TAF3: variants seen among roughly 807,000 people sequenced by gnomAD.
TAF3 encodes the protein transcription initiation factor TFIID subunit 3.
Under a neutral mutation model 80.6 loss-of-function variants are expected in TAF3, and 7 were observed. The observed-to-expected ratio is 0.09, with a 90% confidence interval of 0.05 to 0.16. The LOEUF is 0.16. Ranked by LOEUF, TAF3 falls within the 10% of genes least tolerant of loss-of-function variation. TAF3 has a pLI of 1.00. For missense variants in TAF3, 921 were observed against 1,140.2 expected, an observed-to-expected ratio of 0.81 and a Z score of 2.77; for synonymous variants, 444 against 446.1, an observed-to-expected ratio of 1.00 and a Z score of 0.06.
intron 2 of TAF3, among the ~76,000 whole-genome samples, chr10:7,919,893 T>C (rs1008797106): frequency 1.3e-5 from 2 of 152,148 alleles, no homozygotes; most frequent in Non-Finnish European, 2.9e-5. Flanking sequence ...TTGTATACAT[T>C]GTTAGTCCCC....
At chr10:7,889,017 A>G (rs1837435667) in intron 2 of TAF3, among the ~76,000 whole-genome samples, 1 of 152,060 alleles carries the variant, frequency 6.6e-6, no homozygotes, top group Admixed American at 6.6e-5. Flanking sequence ...TTTTTTTTCT[A>G]CACGTGGGAT....
chr10:7,954,712 C>T (rs10905259), intron 2 of TAF3, among the ~76,000 whole-genome samples: 2 of 128,914 alleles, frequency 1.6e-5, no homozygotes, highest in Admixed American at 7.9e-5. Flanking sequence ...TAGTGAGATT[C>T]AGAGTGCACT....
chr10:7,881,151 A>G (rs1837357116), intron 2 of TAF3, among the ~76,000 whole-genome samples: 1 of 151,610 alleles, frequency 6.6e-6, no homozygotes. Context: ...CAGGAGGATC[A>G]CTTGAGTCCA....
In TAF3 at chr10:8,016,524, A is replaced by G. The variant is rs1832106611; in HGVS notation, c.*1773A>G. 1.3e-5 allele frequency: 2 copies of G among 152,146 alleles called. No homozygotes were observed. Among genetic ancestry groups the G allele is most frequent in the Admixed American group, 1.3e-4 (2 of 15,280 alleles). 9.4% of individuals were successfully genotyped at this position (152,146 alleles called of 1,614,324 possible). A position where few individuals can be genotyped will look rare whatever the true frequency, so the allele number is the denominator to read the frequency against. On this transcript the variant is annotated 3_prime_UTR_variant, in exon 7 of 7. Transcript: ENST00000344293. ...TGTTTGATTAATTTGAGATCATTCT[A>G]AATACTTTATACAATATTTTCACAT...
At chr10:7,873,620 C>CCG (rs1554779068) in intron 2 of TAF3, among the ~76,000 whole-genome samples, 5 of 127,286 alleles carry the variant, frequency 3.9e-5, no homozygotes, top group African/African-American at 3.0e-5. Context: ...CGAGTTCTCC[C>CCG]CCCCCCCCCG....
intron 2 of TAF3, among the ~76,000 whole-genome samples, chr10:7,916,113 A>G (rs906686751): frequency 1.3e-5 from 2 of 152,184 alleles, no homozygotes; most frequent in Non-Finnish European, 2.9e-5. Context: ...TCTTAACCCA[A>G]AGTGTTTGGT....
intron 4 of TAF3, among the ~76,000 whole-genome samples, chr10:7,997,630 A>G (rs1008681816): frequency 3.9e-5 from 6 of 152,210 alleles, no homozygotes; most frequent in African/African-American, 1.2e-4. Context: ...TGTTTATAGC[A>G]GTGAGGGCAC....
intron 4 of TAF3, among the ~76,000 whole-genome samples, chr10:7,998,271 A>ATATATATATATATATATATG: frequency 6.8e-6 from 1 of 146,840 alleles, no homozygotes; most frequent in South Asian, 2.1e-4. Flanking sequence ...ATATGTATAT[A>ATATATATATATATATATATG]TATATATATA....
intron 3 of TAF3, among the ~76,000 whole-genome samples, chr10:7,968,127 G>T (rs1360131034): frequency 6.6e-6 from 1 of 152,120 alleles, no homozygotes; most frequent in Non-Finnish European, 1.5e-5. Context: ...AGGCACCAAA[G>T]GTTAAACTAA....
intron 2 of TAF3, among the ~76,000 whole-genome samples, chr10:7,904,901 G>A (rs537214248): frequency 1.3e-5 from 2 of 152,066 alleles, no homozygotes; most frequent in South Asian, 2.1e-4. Flanking sequence ...CCAATTCCCC[G>A]CACTTCCTCC....
chr10:7,852,230 G>A (rs532261397), intron 2 of TAF3, among the ~76,000 whole-genome samples: 13 of 152,212 alleles, frequency 8.5e-5, no homozygotes, highest in Non-Finnish European at 1.5e-4. Flanking sequence ...GATTACAGAC[G>A]CCTGGCACCT....
rs201772654 is a variant in TAF3 at position 7,964,209 on chromosome 10, A to G, written c.699A>G (p.Val233=). The G allele has an allele frequency of 3.7e-6, 6 of 1,614,096 alleles. No homozygotes were observed. Among genetic ancestry groups the G allele is most frequent in the Non-Finnish European group, 3.4e-6 (4 of 1,180,042 alleles). The change falls in exon 3 of 7, where the codon GTA becomes GTG. Residue 233 remains valine, a synonymous_variant. Coordinates refer to ENST00000344293, the MANE Select transcript of TAF3 (RefSeq NM_031923.4). This position sits in a 1 kb window ranked among gnomAD's most constrained non-coding sequence, Gnocchi z 4.1. ...KIPPMLSPVH[V]QDSTDLAPPS... is the part of the protein sequence containing the mutation. ...CACCAATGCTTTCTCCAGTCCATGT[A>G]CAGGACAGTACAGACTTGGCACCTC...
rs1286163483 is a variant in TAF3, at chr10:8,015,766, GA to G, written c.*1016del. On this transcript the variant is annotated 3_prime_UTR_variant, in exon 7 of 7. Transcript: ENST00000344293. ...AAGGCAATTTAAATTTAGAGTTTAT[GA>G]CTTGAAGTTGTTTTGTTTGTTGTCT... 6.6e-6 allele frequency: 1 copy of G among 151,926 alleles called. No individual in the cohort carries two copies. Among genetic ancestry groups the G allele is most frequent in the African/African-American group, 2.4e-5 (1 of 41,364 alleles). The allele number at this position is 151,926 out of a possible 1,614,324, so 9.4% of individuals were successfully genotyped here.
At chr10:7,963,464 ACT>A (rs1201547381) in intron 2 of TAF3, among the ~76,000 whole-genome samples, 1 of 152,134 alleles carries the variant, frequency 6.6e-6, no homozygotes, top group Non-Finnish European at 1.5e-5. Context: ...ACTGACTGCC[ACT>A]CTTTTAAGAA....
intron 2 of TAF3, among the ~76,000 whole-genome samples, chr10:7,858,737 T>C (rs1159409517): frequency 6.6e-6 from 1 of 152,198 alleles, no homozygotes; most frequent in Non-Finnish European, 1.5e-5. Context: ...GCTTAGCACA[T>C]GTTAGCAGCT....
intron 1 of TAF3, among the ~76,000 whole-genome samples, chr10:7,823,038 G>A (rs1336885255): frequency 6.6e-6 from 1 of 152,118 alleles, no homozygotes; most frequent in Non-Finnish European, 1.5e-5. Flanking sequence ...GCTTGAGCCT[G>A]GGAAGGTAAG....
intron 2 of TAF3, among the ~76,000 whole-genome samples, chr10:7,935,385 C>G (rs985874201): frequency 6.6e-6 from 1 of 151,958 alleles, no homozygotes; most frequent in African/African-American, 2.4e-5. Flanking sequence ...ATCACGAGGT[C>G]AGGAGATCGA....
rs72638739 is a variant in TAF3, at chr10:7,871,806, T to G, written c.409+47246T>G. 9.1e-3 allele frequency among the ~76,000 whole-genome samples: 1,392 copies of G among 152,270 alleles called. 56 individuals carry two copies. In the East Asian group the frequency reaches 0.14, roughly 15 times the overall value. On this transcript the variant is annotated intron_variant, in intron 2 of 6. Coordinates refer to ENST00000344293, the MANE Select transcript of TAF3 (RefSeq NM_031923.4). ...AGCCTGAGAAGTAAAAATTCATACATTTAATGAATTAGATTTTAATTTCTT... is the reference window on the plus strand; with the variant it reads ...AGCCTGAGAAGTAAAAATTCATACAGTTAATGAATTAGATTTTAATTTCTT...
At chr10:7,989,004 C>G (rs568486111) in intron 4 of TAF3, among the ~76,000 whole-genome samples, 2 of 152,174 alleles carry the variant, frequency 1.3e-5, no homozygotes, top group South Asian at 4.1e-4. Flanking sequence ...TTTATAGATT[C>G]TTTCCTGGTG....
Sources: allele counts gnomAD v4.1 joint callset (sites outside exome capture counted in the v4.1 genomes callset), GRCh38; gene constraint gnomAD v4.1.1; non-coding constraint Gnocchi (gnomAD v3.1); transcripts MANE v1.5; gene names NCBI Gene and HGNC (gene_info 2026-07-23, HGNC 2026-07-21).